The following CSF1 variants were observed in gnomAD, a reference collection of about 807,000 sequenced individuals.
The protein encoded by CSF1 is colony stimulating factor 1, also known as macrophage colony-stimulating factor 1.
Under a neutral mutation model 48.9 loss-of-function variants are expected in CSF1, and 9 were observed. That is an observed-to-expected ratio of 0.18 (90% CI 0.11 to 0.32). The LOEUF (loss-of-function observed/expected upper bound fraction) is 0.32. Among genes scored for constraint, CSF1 ranks in the 10% least tolerant of loss-of-function variants. The pLI is 1.00. For missense variants in CSF1, 672 were observed against 697.9 expected (o/e 0.96, Z 0.42); for synonymous variants, 305 against 284.1 (o/e 1.07, Z -0.74).
intron 8 of CSF1, chr1:109,926,212 T>C (rs1035604426): frequency 7.2e-5 from 11 of 152,254 alleles, no homozygotes; most frequent in African/African-American, 2.7e-4. Context: ...AGTATTCTTC[T>C]ATTTGTGCAG....
In CSF1 at chr1:109,924,791, CAG is replaced by C; in HGVS notation, c.1590_1591del (p.Arg530SerfsTer17). 2 of 1,598,936 alleles carry C rather than the reference CAG, an allele frequency of 1.3e-6. No homozygotes were observed. The highest frequency in any genetic ancestry group is 1.7e-6 in the Non-Finnish European group (2 of 1,172,718). ...CTGTCCTCAGAGCCATCAAGAGCCT[CAG>C]AGAGCGGATTCTCCCTTGGAGCAAC... Reference protein sequence around the residue: ...RWRRRSHQEPQRADSPLEQPE... With the variant: ...RWRRRSHQEPXRADSPLEQPE... On this transcript the variant is annotated frameshift_variant, in exon 7 of 9. Coordinates refer to ENST00000329608, the MANE Select transcript of CSF1 (RefSeq NM_000757.6). LOFTEE classifies it high-confidence loss of function.
rs1008346174 is a variant in CSF1 at position 109,930,590 on chromosome 1, G to C, written c.*1752G>C. 2 of 152,214 alleles carry C rather than the reference G, an allele frequency of 1.3e-5. No individual in the cohort carries two copies. The highest frequency in any genetic ancestry group is 6.5e-5 in the Admixed American group (1 of 15,278). 9.4% of individuals were successfully genotyped at this position (152,214 alleles called of 1,614,324 possible). On this transcript the variant is annotated 3_prime_UTR_variant, in exon 9 of 9. Transcript: ENST00000329608. ...GAAGGGCAGTGAACTTGCATATGGG[G>C]CTTAGCCTTCTAGTCACAGCCTCTA...
chr1:109,923,137 C>A, intron 5 of CSF1, 29 bp from the exon 6 acceptor site: 1 of 1,501,862 alleles, frequency 6.7e-7, no homozygotes, highest in Non-Finnish European at 8.9e-7. Context: ...CCCCATCTTT[C>A]TCTCTCCTTC....
intron 4 of CSF1, among the ~76,000 whole-genome samples, chr1:109,921,503 T>C (rs1202661617): frequency 1.3e-5 from 2 of 152,240 alleles, no homozygotes; most frequent in African/African-American, 2.4e-5. Flanking sequence ...GCCCAGTACT[T>C]ATTCATAGGA....
upstream of CSF1, chr1:109,910,530 GA>G: frequency 2.7e-6 from 1 of 374,828 alleles, no homozygotes. Context: ...AGCGCGGAAG[GA>G]AAGGGTCGGT....
At chr1:109,913,395 G>C (rs981409064) in intron 1 of CSF1, among the ~76,000 whole-genome samples, 10 of 152,198 alleles carry the variant, frequency 6.6e-5, no homozygotes, top group African/African-American at 2.4e-4. Flanking sequence ...CTAGGGCCAG[G>C]GGTAGGGATG....
In CSF1 at chr1:109,923,420, C is replaced by T; in HGVS notation, c.799C>T (p.Pro267Ser). The change falls in exon 6 of 9, where the codon CCA becomes TCA. Residue 267 changes from proline (P) to serine (S), a missense_variant. Pro to Ser is a moderately conservative substitution (Grantham distance 74). Transcript: ENST00000329608. ...CCAGAGCTTTGAGCCGCCAGAGACC[C>T]CAGTTGTCAAGGACAGCACCATCGG... ...TCQSFEPPET[P>S]VVKDSTIGGS... 6.2e-7 allele frequency: 1 copy of T among 1,614,074 alleles called. No individual in the cohort carries two copies. The highest frequency in any genetic ancestry group is 8.5e-7 in the Non-Finnish European group (1 of 1,179,996).
Position 109,924,171 on chromosome 1 carries a change from T to C in CSF1, c.1550T>C (p.Phe517Ser). The change falls in exon 6 of 9, where the codon TTC (phenylalanine) becomes TCC (serine). Residue 517 changes from phenylalanine to serine, a missense_variant. By Grantham distance (155) the Phe-to-Ser change is radical. Around this residue, in one of 3 missense-constraint regions of CSF1, gnomAD observed 591 missense variants for 593.6 expected, o/e 1.00. Coordinates refer to ENST00000329608, the MANE Select transcript of CSF1 (RefSeq NM_000757.6). ...TTGCTGGCCGTCGGAGGCCTCTTGT[T>C]CTACAGGTGGAGGCGGCGGGTGAGT... ...LVLLAVGGLL[F>S]YRWRRRSHQE... 3 of 1,611,898 alleles carry C rather than the reference T, an allele frequency of 1.9e-6. No homozygotes were observed. The highest frequency in any genetic ancestry group is 2.5e-6 in the Non-Finnish European group (3 of 1,178,866).
At chr1:109,920,597 G>A (rs1328551805) in intron 4 of CSF1, among the ~76,000 whole-genome samples, 1 of 152,158 alleles carries the variant, frequency 6.6e-6, no homozygotes, top group Non-Finnish European at 1.5e-5. Flanking sequence ...GATTACAGGT[G>A]TGAGCCACCG....
At chr1:109,916,349 C>T (rs559898797) in intron 3 of CSF1, among the ~76,000 whole-genome samples, 46 of 152,254 alleles carry the variant, frequency 3.0e-4, no homozygotes, top group Admixed American at 5.2e-4. Context: ...TTTTCTGAAA[C>T]GCCAACCTGC....
chr1:109,911,900 G>A (rs990048100), intron 1 of CSF1, among the ~76,000 whole-genome samples: 1 of 152,160 alleles, frequency 6.6e-6, no homozygotes, highest in African/African-American at 2.4e-5. Flanking sequence ...GGTAGCAGAT[G>A]CAGCCATAGA....
Position 109,930,088 on chromosome 1 carries a change from A to C in CSF1, c.*1250A>C, listed in dbSNP as rs1648007412. ...GCGCAGTGTCCTTTCCCTGCTGCCG[A>C]CAGGAACCTGGGGCTGAACAGGTTA... On this transcript the variant is annotated 3_prime_UTR_variant, in exon 9 of 9. Coordinates refer to ENST00000329608, the MANE Select transcript of CSF1 (RefSeq NM_000757.6). 1 of 152,268 alleles carries C rather than the reference A, an allele frequency of 6.6e-6. No individual in the cohort carries two copies. Among genetic ancestry groups the C allele is most frequent in the Admixed American group, 6.5e-5 (1 of 15,280 alleles). 9.4% of individuals were successfully genotyped at this position (152,268 alleles called of 1,614,324 possible).
Position 109,910,948 on chromosome 1 carries a change from C to G in CSF1, c.-76C>G. On this transcript the variant is annotated 5_prime_UTR_variant, in exon 1 of 9. Coordinates refer to ENST00000329608, the MANE Select transcript of CSF1 (RefSeq NM_000757.6). ...AGCGGTGCGGCCCTCGGCCGGGGCG[C>G]CCACTCCGCAGCAGCCAGCGAGCGA... 3 of 1,094,658 alleles carry G rather than the reference C, an allele frequency of 2.7e-6. No homozygotes were observed. Among genetic ancestry groups the G allele is most frequent in the Non-Finnish European group, 3.4e-6 (3 of 884,300 alleles). The allele number at this position is 1,094,658 out of a possible 1,614,324, so 67.8% of individuals were successfully genotyped here. A position where few individuals can be genotyped will look rare whatever the true frequency, so the allele number is the denominator to read the frequency against.
chr1:109,916,827 G>T (rs1325694621), intron 3 of CSF1, among the ~76,000 whole-genome samples: 1 of 152,162 alleles, frequency 6.6e-6, no homozygotes, highest in Non-Finnish European at 1.5e-5. Context: ...GGGTCTTCAA[G>T]GCAACTACCA....
chr1:109,915,780 CA>C (rs1654876123), intron 3 of CSF1, 84 bp downstream of exon 3: 3 of 1,138,810 alleles, frequency 2.6e-6, no homozygotes, highest in African/African-American at 3.1e-5. Context: ...ATGAAAGCGG[CA>C]GAATGCCTAC....
intron 5 of CSF1, 111 bp downstream of exon 5, chr1:109,922,105 C>T (rs1169515081): frequency 2.3e-6 from 3 of 1,291,494 alleles, no homozygotes; most frequent in African/African-American, 1.5e-5. Context: ...CTGGCTGCTA[C>T]TCGTGTTCCC....
chr1:109,917,388 C>G lies in CSF1; in HGVS notation c.321C>G (p.Ile107Met). Residue 107 changes from isoleucine to methionine, a missense_variant, in exon 4 of 9, where the codon ATC becomes ATG. By Grantham distance (10) the Ile-to-Met change is conservative. Coordinates refer to ENST00000329608, the MANE Select transcript of CSF1 (RefSeq NM_000757.6). Reference sequence around the variant, plus strand: ...TCAGAGATAACACCCCCAATGCCATCGCCATTGTGCAGCTGCAGGAACTCT... The same window carrying G: ...TCAGAGATAACACCCCCAATGCCATGGCCATTGTGCAGCTGCAGGAACTCT... The part of the protein sequence containing the change: ...MRFRDNTPNA[I>M]AIVQLQELSL... The G allele has an allele frequency of 6.2e-7, 1 of 1,614,152 alleles. No individual in the cohort carries two copies. The highest frequency in any genetic ancestry group is 1.1e-5 in the South Asian group (1 of 91,086).
intron 5 of CSF1, among the ~76,000 whole-genome samples, chr1:109,922,965 G>A (rs1436510870): frequency 1.3e-5 from 2 of 152,040 alleles, no homozygotes; most frequent in Admixed American, 6.6e-5. Context: ...CTGCTCATGA[G>A]ACCCTGCATA....
intron 8 of CSF1, 24 bp downstream of exon 8, chr1:109,925,226 A>G: frequency 6.3e-7 from 1 of 1,598,872 alleles, no homozygotes; most frequent in Non-Finnish European, 8.6e-7. Context: ...TTTGATCTCC[A>G]CTCCTAAAAC....
Sources: gnomAD v4.1 joint callset for allele counts (sites outside exome capture counted in the v4.1 genomes callset) on GRCh38, gnomAD v4.1.1 for gene constraint, gnomAD v4.1.1 regional missense constraint, MANE v1.5 for transcripts, NCBI Gene and HGNC (gene_info 2026-07-23, HGNC 2026-07-21) for gene names.